Variants in GPR158 observed in about 807,000 individuals in gnomAD.
GPR158 encodes G protein-coupled receptor 158.
Under a neutral mutation model 78.2 loss-of-function variants are expected in GPR158, and 30 were observed. The observed-to-expected ratio is 0.38, with a 90% CI of 0.29 to 0.52. The LOEUF (loss-of-function observed/expected upper bound fraction) is 0.52, where lower values mean the gene tolerates loss of function less well. Among genes scored for constraint, GPR158 ranks in the 20% least tolerant of loss-of-function variants. The pLI, the probability that GPR158 is intolerant of heterozygous loss-of-function variation, is 0.83. For missense variants in GPR158, 1,463 were observed against 1,523.5 expected (o/e 0.96, Z 0.66); for synonymous variants, 581 against 591.1 (o/e 0.98, Z 0.25).
chr10:25,308,324 C>A (rs954936199), intron 2 of GPR158, among the ~76,000 whole-genome samples: 1 of 152,028 alleles, frequency 6.6e-6, no homozygotes, highest in Non-Finnish European at 1.5e-5. Flanking sequence ...CCGACAGGCC[C>A]CAGTGTGTCT....
Position 25,526,336 on chromosome 10 carries a change from G to A in GPR158, c.1405-24640G>A, listed in dbSNP as rs77015855. 7.4e-3 allele frequency among the ~76,000 whole-genome samples: 1,125 copies of A among 152,220 alleles called. 13 individuals carry two copies. The highest frequency in any genetic ancestry group is 0.026 in the African/African-American group (1,090 of 41,538). ...TACATTACCTACTCTTTTGCAGAGG[G>A]CGCTCCCAGTTTATGTAGTGTGTGA... is the stretch of plus-strand genomic sequence containing the variant. On this transcript the variant is annotated intron_variant, in intron 5 of 10. Transcript: ENST00000376351.
At chr10:25,582,983 TAAG>T (rs1425941211) in intron 7 of GPR158, among the ~76,000 whole-genome samples, 8 of 152,200 alleles carry the variant, frequency 5.3e-5, no homozygotes, top group African/African-American at 1.7e-4. Flanking sequence ...TTCCAGGGGT[TAAG>T]AAAATCTCAG....
At chr10:25,380,069 T>C (rs902889235) in intron 2 of GPR158, among the ~76,000 whole-genome samples, 6 of 151,924 alleles carry the variant, frequency 3.9e-5, no homozygotes, top group African/African-American at 1.5e-4. Flanking sequence ...AAAAACTGAG[T>C]TCAGTTTTGT....
chr10:25,337,260 C>T (rs1232058818), intron 2 of GPR158, among the ~76,000 whole-genome samples: 1 of 152,082 alleles, frequency 6.6e-6, no homozygotes, highest in African/African-American at 2.4e-5. Context: ...AAACCACCAT[C>T]CAGATCAACA....
intron 2 of GPR158, among the ~76,000 whole-genome samples, chr10:25,242,840 A>G (rs1020780093): frequency 6.6e-6 from 1 of 152,206 alleles, no homozygotes; most frequent in Admixed American, 6.5e-5. Flanking sequence ...GGTTCATCCA[A>G]ATAGAAATAA....
chr10:25,356,057 A>G (rs1855545464), intron 2 of GPR158, among the ~76,000 whole-genome samples: 1 of 152,082 alleles, frequency 6.6e-6, no homozygotes, highest in Non-Finnish European at 1.5e-5. Context: ...GTCTCCTGCT[A>G]AGGAACAGAA....
chr10:25,229,930 G>GT (rs889779097), intron 2 of GPR158, among the ~76,000 whole-genome samples: 79 of 152,258 alleles, frequency 5.2e-4, no homozygotes, highest in African/African-American at 1.7e-3. Context: ...CCCTGGATTT[G>GT]TTTAAGTCTA....
chr10:25,186,234 G>A (rs1275394649), intron 1 of GPR158, among the ~76,000 whole-genome samples: 2 of 152,140 alleles, frequency 1.3e-5, no homozygotes, highest in Non-Finnish European at 2.9e-5. Flanking sequence ...TGTGTAGAGG[G>A]AAATTTATAG....
intron 2 of GPR158, among the ~76,000 whole-genome samples, chr10:25,373,702 A>T (rs551253751): frequency 6.6e-6 from 1 of 151,826 alleles, no homozygotes. Context: ...ATAGAAGTAA[A>T]TATGTTACTT....
At chr10:25,411,609 C>T (rs1834584977) in intron 3 of GPR158, among the ~76,000 whole-genome samples, 1 of 151,986 alleles carries the variant, frequency 6.6e-6, no homozygotes, top group Non-Finnish European at 1.5e-5. Flanking sequence ...GTGATTTTTG[C>T]TTTTCAGTTG....
At chr10:25,487,916 T>C (rs1162708321) in intron 5 of GPR158, among the ~76,000 whole-genome samples, 1 of 152,002 alleles carries the variant, frequency 6.6e-6, no homozygotes, top group African/African-American at 2.4e-5. Context: ...AACCTAAAAA[T>C]AAAAATTAAA....
intron 2 of GPR158, among the ~76,000 whole-genome samples, chr10:25,362,411 T>A (rs1205705124): frequency 6.6e-6 from 1 of 151,944 alleles, no homozygotes; most frequent in Non-Finnish European, 1.5e-5. Context: ...TTTTTTTTTC[T>A]TCAATATTTT....
At chr10:25,339,694 T>A (rs1855276057) in intron 2 of GPR158, among the ~76,000 whole-genome samples, 1 of 152,140 alleles carries the variant, frequency 6.6e-6, no homozygotes, top group Non-Finnish European at 1.5e-5. Context: ...CCTCATTTGC[T>A]AAGCTTTTGT....
At position 25,598,376 on chromosome 10, in the gene GPR158, C is replaced by T. The variant is rs746764509; in HGVS notation, c.2750C>T (p.Ala917Val). 2.5e-6 allele frequency: 4 copies of T among 1,614,092 alleles called. No homozygotes were observed. The South Asian group carries it at 4.4e-5, about 18-fold the overall frequency. ...ASAKEKTLGL[A>V]GKTQTAGVEE... Reference sequence around the variant, plus strand: ...GCCAAGGAGAAGACTCTTGGATTAGCTGGGAAAACCCAAACAGCAGGTGTG... The same window carrying T: ...GCCAAGGAGAAGACTCTTGGATTAGTTGGGAAAACCCAAACAGCAGGTGTG... The change falls in exon 11 of 11, where the codon GCT (alanine) becomes GTT (valine). Residue 917 changes from alanine to valine, a missense_variant. Ala to Val is a moderately conservative substitution (Grantham distance 64, BLOSUM62 0). Transcript: ENST00000376351.
At chr10:25,449,130 G>GTGGTGAGAATCCAA in intron 4 of GPR158, among the ~76,000 whole-genome samples, 1 of 152,260 alleles carries the variant, frequency 6.6e-6, no homozygotes, top group South Asian at 2.1e-4. Context: ...GATTTGGATT[G>GTGGTGAGAATCCAA]TTTGTAATTT....
intron 2 of GPR158, among the ~76,000 whole-genome samples, chr10:25,232,762 A>C (rs986496106): frequency 2.0e-5 from 3 of 152,192 alleles, no homozygotes; most frequent in African/African-American, 4.8e-5. Flanking sequence ...ACAAGTGTCT[A>C]TTTCAAATTA....
intron 6 of GPR158, among the ~76,000 whole-genome samples, chr10:25,567,713 G>T (rs1021495702): frequency 3.3e-5 from 5 of 152,182 alleles, no homozygotes; most frequent in African/African-American, 9.7e-5. Context: ...GCAGAGGTGA[G>T]GAGGAACCAA....
At chr10:25,217,678 T>C (rs192387261) in intron 1 of GPR158, among the ~76,000 whole-genome samples, 5 of 152,316 alleles carry the variant, frequency 3.3e-5, no homozygotes, top group Admixed American at 2.6e-4. Flanking sequence ...CCTATGGCAC[T>C]TGGCCATTGC....
rs567720621 is a variant in GPR158, at chr10:25,463,552, AT to A, written c.1336-3097del. Among the ~76,000 whole-genome samples, 480 of 152,300 alleles carry A rather than the reference AT, an allele frequency of 3.2e-3. 3 individuals are homozygous for A. The highest frequency in any genetic ancestry group is 5.2e-3 in the Non-Finnish European group (352 of 68,028). On this transcript the variant is annotated intron_variant, in intron 4 of 10. Transcript: ENST00000376351. ...ACTGCGTATTACTGATCATCTTTCAATTAAGATTTTTTATAAGTTTCCCAGT... is the reference window on the plus strand; with the variant it reads ...ACTGCGTATTACTGATCATCTTTCAATAAGATTTTTTATAAGTTTCCCAGT...
Sources: gnomAD v4.1 joint callset for allele counts (sites outside exome capture counted in the v4.1 genomes callset) on GRCh38, gnomAD v4.1.1 for gene constraint, MANE v1.5 for transcripts, NCBI Gene and HGNC (gene_info 2026-07-23, HGNC 2026-07-21) for gene names.